CSMD3: variants seen among roughly 807,000 people sequenced by gnomAD.
CSMD3 encodes the protein CUB and sushi domain-containing protein 3.
CSMD3 carries 177 observed loss-of-function variants against 435.2 expected under a neutral mutation model. The observed-to-expected ratio is 0.41, with a 90% CI of 0.36 to 0.46. The LOEUF (loss-of-function observed/expected upper bound fraction) is 0.46. Ranked by LOEUF, CSMD3 falls within the 20% of genes least tolerant of loss-of-function variation. CSMD3 has a pLI of 0.34. For missense variants in CSMD3, 4,265 were observed against 4,504.6 expected, an observed-to-expected ratio of 0.95 and a Z score of 1.52; for synonymous variants, 1,656 against 1,520.5, an observed-to-expected ratio of 1.09 and a Z score of -2.07.
chr8:112,686,582 G>A (rs1219077995), intron 14 of CSMD3, among the ~76,000 whole-genome samples: 2 of 151,580 alleles, frequency 1.3e-5, no homozygotes, highest in East Asian at 3.9e-4. Flanking sequence ...CACCTTCCGG[G>A]TTCAAGAGAT....
At chr8:112,524,507 T>G (rs1246958855) in intron 27 of CSMD3, among the ~76,000 whole-genome samples, 5 of 152,044 alleles carry the variant, frequency 3.3e-5, no homozygotes, top group Non-Finnish European at 7.4e-5. Flanking sequence ...TGCCAAGTTA[T>G]GGGGACACAA....
chr8:112,702,562 C>T lies in CSMD3; in HGVS notation c.1973-12512G>A, dbSNP rs545455521. 2.3e-4 allele frequency among the ~76,000 whole-genome samples: 35 copies of T among 152,138 alleles called. No individual in the cohort carries two copies. The South Asian group carries it at 6.4e-3, about 28-fold the overall frequency. On this transcript the variant is annotated intron_variant, in intron 13 of 70. Coordinates refer to ENST00000297405, the MANE Select transcript of CSMD3 (RefSeq NM_198123.2). The stretch of plus-strand genomic sequence containing the variant: ...AAAGCCATTCTGCCCCTTCTCTGCT[C>T]GCTTTTTGCACTTCTTTCCTACTTC...
chr8:112,657,817 A>G (rs2075291817), intron 17 of CSMD3, among the ~76,000 whole-genome samples: 1 of 152,154 alleles, frequency 6.6e-6, no homozygotes, highest in Non-Finnish European at 1.5e-5. Context: ...CTGTCCTCAC[A>G]TTGTAGATTA....
At chr8:113,174,005 G>C (rs1258089675) in intron 3 of CSMD3, 89 bp from the exon 4 acceptor site, 6 of 922,704 alleles carry the variant, frequency 6.5e-6, no homozygotes, top group Non-Finnish European at 8.6e-6. Flanking sequence ...TGTAGATATG[G>C]ATATTCTTAT....
intron 51 of CSMD3, 73 bp from the exon 52 acceptor site, chr8:112,304,988 C>G (rs1372093010): frequency 9.3e-7 from 1 of 1,073,488 alleles, no homozygotes; most frequent in South Asian, 1.3e-5. Flanking sequence ...CTTTACATCT[C>G]CACTGACCTA....
At chr8:112,658,971 A>G (rs2075317326) in intron 17 of CSMD3, among the ~76,000 whole-genome samples, 1 of 152,086 alleles carries the variant, frequency 6.6e-6, no homozygotes, top group Non-Finnish European at 1.5e-5. Context: ...AAAAAAAAAG[A>G]AATTGTCAAT....
intron 3 of CSMD3, among the ~76,000 whole-genome samples, chr8:113,223,102 G>T (rs2092988722): frequency 6.7e-6 from 1 of 149,608 alleles, no homozygotes. Flanking sequence ...TACTAAACAG[G>T]TCATTTTAAT....
intron 4 of CSMD3, among the ~76,000 whole-genome samples, chr8:113,141,899 A>G (rs12543781): frequency 0.41 from 61,498 of 150,770 alleles, 13,165 homozygotes; most frequent in East Asian, 0.69. Flanking sequence ...GGAATCTACA[A>G]CAAAACTCCT....
At chr8:112,524,801 A>G (rs1043796067) in intron 27 of CSMD3, among the ~76,000 whole-genome samples, 19 of 152,010 alleles carry the variant, frequency 1.2e-4, no homozygotes, top group Non-Finnish European at 2.1e-4. Flanking sequence ...TTAAAATGAC[A>G]TCTGTGTACA....
intron 4 of CSMD3, among the ~76,000 whole-genome samples, chr8:113,103,419 C>T (rs2090386042): frequency 6.6e-6 from 1 of 152,012 alleles, no homozygotes; most frequent in Admixed American, 6.6e-5. Flanking sequence ...TAGCAAATTG[C>T]ATGTTAAGAA....
chr8:113,084,457 T>TA (rs1458401449), intron 5 of CSMD3, among the ~76,000 whole-genome samples: 6 of 151,826 alleles, frequency 4.0e-5, no homozygotes, highest in Non-Finnish European at 7.4e-5. Flanking sequence ...GAAGATGACA[T>TA]AAACAAATGG....
chr8:113,196,299 T>G (rs776887404), intron 3 of CSMD3, among the ~76,000 whole-genome samples: 5 of 151,150 alleles, frequency 3.3e-5, no homozygotes, highest in Non-Finnish European at 7.4e-5. Flanking sequence ...AAAAACTCAC[T>G]GGGTAAAGAT....
chr8:113,375,676 G>T (rs942209963), intron 1 of CSMD3, among the ~76,000 whole-genome samples: 13 of 152,112 alleles, frequency 8.5e-5, no homozygotes, highest in Non-Finnish European at 1.8e-4. Flanking sequence ...TTTGCTAATT[G>T]CTGAAGAGTC....
At chr8:112,619,101 T>G (rs1424494390) in intron 22 of CSMD3, among the ~76,000 whole-genome samples, 1 of 152,104 alleles carries the variant, frequency 6.6e-6, no homozygotes, top group Non-Finnish European at 1.5e-5. Flanking sequence ...GTGCTTGGTG[T>G]GTTATTAAGT....
At chr8:112,614,751 A>G (rs929939961) in intron 22 of CSMD3, among the ~76,000 whole-genome samples, 2 of 152,110 alleles carry the variant, frequency 1.3e-5, no homozygotes, top group African/African-American at 4.8e-5. Flanking sequence ...TTTTTAGTTT[A>G]AATCCCATGT....
intron 1 of CSMD3, among the ~76,000 whole-genome samples, chr8:113,343,358 A>G (rs2094132489): frequency 2.0e-5 from 3 of 152,198 alleles, no homozygotes; most frequent in African/African-American, 7.2e-5. Flanking sequence ...TGGACTTTAT[A>G]TCAGATTGGA....
chr8:113,078,231 C>T (rs1253531271), intron 5 of CSMD3, among the ~76,000 whole-genome samples: 1 of 152,184 alleles, frequency 6.6e-6, no homozygotes. Context: ...ACCTGCACAG[C>T]TGTACTGAGT....
Position 112,464,116 on chromosome 8 carries a change from T to C in CSMD3, c.5395+8475A>G, listed in dbSNP as rs1027566679. Among the ~76,000 whole-genome samples, 5 of 151,868 alleles carry C rather than the reference T, an allele frequency of 3.3e-5. No homozygotes were observed. In the South Asian group the frequency reaches 8.3e-4, roughly 25 times the overall value. ...AGGTGGGCGTGGTGGCAGGCACCTG[T>C]AGTCCCAGCTACTCAGGAGGCTGAG... On this transcript the variant is annotated intron_variant, in intron 32 of 70. Transcript: ENST00000297405.
chr8:113,106,404 A>G (rs1651790104), intron 4 of CSMD3, among the ~76,000 whole-genome samples: 1 of 152,222 alleles, frequency 6.6e-6, no homozygotes, highest in Non-Finnish European at 1.5e-5. Flanking sequence ...ACACATGGCA[A>G]TAGAAACTAT....
Sources: gnomAD v4.1 joint callset for allele counts (sites outside exome capture counted in the v4.1 genomes callset) on GRCh38, gnomAD v4.1.1 for gene constraint, MANE v1.5 for transcripts, NCBI Gene and HGNC (gene_info 2026-07-23, HGNC 2026-07-21) for gene names.